Variants in KRT3 observed in about 807,000 individuals in gnomAD.
KRT3 encodes keratin 3, also known as keratin, type II cytoskeletal 3.
A neutral mutation model predicts 45.8 loss-of-function variants in KRT3; 34 were observed. The observed-to-expected ratio is 0.74, with a 90% confidence interval of 0.57 to 0.99. The LOEUF (loss-of-function observed/expected upper bound fraction) is 0.99. KRT3 is among the 50% of genes least tolerant of loss of function. The pLI is 0.00. For synonymous variants in KRT3, 367 were observed against 329.0 expected (o/e 1.12, Z -1.25); for missense variants, 828 against 820.6 (o/e 1.01, Z -0.11).
At chr12:52,794,787 C>T (rs983926563) in intron 1 of KRT3, among the ~76,000 whole-genome samples, 4 of 152,192 alleles carry the variant, frequency 2.6e-5, no homozygotes, top group African/African-American at 9.6e-5. Flanking sequence ...CATGACAACA[C>T]CTCTCTTGGG....
rs1193249230 is a variant in KRT3, at chr12:52,795,978, A to G, written c.65T>C (p.Val22Ala). The change falls in exon 1 of 9, where the codon GTG becomes GCG. Residue 22 changes from valine to alanine, a missense_variant. Transcript: ENST00000417996. ...GCTCATCCTGCTGCTGCCGGAGACC[A>G]CAGCAGAGCGGCCGGAGAAACCCTG... ...GSQGFSGRSA[V>A]VSGSSRMSCV... The G allele has an allele frequency of 3.7e-6, 6 of 1,614,010 alleles. No individual in the cohort carries two copies. Among genetic ancestry groups the G allele is most frequent in the South Asian group, 2.2e-5 (2 of 91,088 alleles).
intron 3 of KRT3, 36 bp downstream of exon 3, chr12:52,793,127 G>C (rs779928201): frequency 6.4e-7 from 1 of 1,571,814 alleles, no homozygotes; most frequent in Non-Finnish European, 8.7e-7. Flanking sequence ...GAAACCTGCA[G>C]CTGCAAGCCT....
rs779835862 is a variant in KRT3 at position 52,791,785 on chromosome 12, T to C, written c.1220A>G (p.His407Arg). The change falls in exon 6 of 9, where the codon CAT becomes CGT. Residue 407 changes from histidine (H) to arginine (R), a missense_variant. Transcript: ENST00000417996. ...LGELQTTAGRHGDDLRNTKSE... is the reference protein window; with the variant it reads ...LGELQTTAGRRGDDLRNTKSE... ...CTTGGTATTTCTTAGGTCATCCCCA[T>C]GCCTGCCAGCCGTGGTCTGCAGCTC... 2 of 1,614,100 alleles carry C rather than the reference T, an allele frequency of 1.2e-6. No homozygotes were observed. The highest frequency in any genetic ancestry group is 2.2e-5 in the South Asian group (2 of 91,076).
intron 7 of KRT3, 131 bp downstream of exon 7, chr12:52,791,075 A>T: frequency 6.9e-7 from 1 of 1,441,526 alleles, no homozygotes; most frequent in Non-Finnish European, 9.5e-7. Context: ...GTGGGCTGGT[A>T]GAGGCAAATG....
Position 52,790,261 on chromosome 12 carries a change from C to A in KRT3, c.1668G>T (p.Ala556=). Residue 556 remains alanine (A), a synonymous_variant, in exon 9 of 9, where the codon GCG becomes GCT. Coordinates refer to ENST00000417996, the MANE Select transcript of KRT3 (RefSeq NM_057088.3). ...MGGGLGGGFS[A]GGGSGSGFGR... is the part of the protein sequence containing the mutation. ...CAAAGCCACTGCCTGAGCCGCCGCC[C>A]GCACTGAAGCCACCTCCTAAACCAC... 2.6e-6 allele frequency: 4 copies of A among 1,551,414 alleles called. No individual in the cohort carries two copies. The highest frequency in any genetic ancestry group is 3.5e-6 in the Non-Finnish European group (4 of 1,147,100).
chr12:52,790,942 G>A (rs1254759511), intron 7 of KRT3, 70 bp from the exon 8 acceptor site: 4 of 1,435,382 alleles, frequency 2.8e-6, no homozygotes, highest in Admixed American at 3.9e-5. Context: ...CGGACCAAGG[G>A]CATGAATAGC....
Position 52,795,544 on chromosome 12 carries a change from G to A in KRT3, c.499C>T (p.Pro167Ser), listed in dbSNP as rs769129039. The A allele has an allele frequency of 1.6e-5, 26 of 1,613,652 alleles. No individual in the cohort carries two copies. In the Middle Eastern group the frequency reaches 6.6e-4, roughly 41 times the overall value. Reference sequence around the variant, plus strand: ...ATAGTCACTTCCTGAATTCCCCCAGGAAAGCCCCCAGGGCCAAAGCCACCA... The same window carrying A: ...ATAGTCACTTCCTGAATTCCCCCAGAAAAGCCCCCAGGGCCAAAGCCACCA... ...SPGGFGPGGF[P>S]GGIQEVTINQ... is the part of the protein sequence containing the mutation. The change falls in exon 1 of 9, where the codon CCT becomes TCT. Residue 167 changes from proline to serine, a missense_variant. Coordinates refer to ENST00000417996, the MANE Select transcript of KRT3 (RefSeq NM_057088.3).
chr12:52,793,948 G>A (rs1417344464), intron 2 of KRT3, among the ~76,000 whole-genome samples, 163 bp downstream of exon 2: 1 of 152,192 alleles, frequency 6.6e-6, no homozygotes, highest in Admixed American at 6.5e-5. Flanking sequence ...GGAGAAGGAA[G>A]GTGAGGGGGA....
At position 52,795,959 on chromosome 12, in the gene KRT3, C is replaced by T. The variant is rs1939638500; in HGVS notation, c.84G>A (p.Arg28=). ...GRSAVVSGSS[R]MSCVAHSGGA... ...CCCCAGAGTGGGCCACACAGCTCAT[C>T]CTGCTGCTGCCGGAGACCACAGCAG... The change falls in exon 1 of 9, where the codon AGG becomes AGA. Residue 28 remains arginine, a synonymous_variant. Coordinates refer to ENST00000417996, the MANE Select transcript of KRT3 (RefSeq NM_057088.3). The T allele has an allele frequency of 1.9e-6, 3 of 1,614,114 alleles. No individual in the cohort carries two copies. Among genetic ancestry groups the T allele is most frequent in the Non-Finnish European group, 1.7e-6 (2 of 1,180,010 alleles).
Position 52,790,835 on chromosome 12 carries a change from T to TA in KRT3, c.1570+2dup, listed in dbSNP as rs140653778. Reference sequence around the variant, plus strand: ...CATTTTCTTAGCTACTTTCGGTACTTACAGATGCTGACAGCACTCGGACAC... The same window carrying TA: ...CATTTTCTTAGCTACTTTCGGTACTTAACAGATGCTGACAGCACTCGGACAC... On this transcript the variant is annotated splice_region_variant and intron_variant, in intron 8 of 8. Transcript: ENST00000417996. The TA allele has an allele frequency of 0.074, 117,965 of 1,594,442 alleles. 4,912 individuals are homozygous for TA. The highest frequency in any genetic ancestry group is 0.13 in the Middle Eastern group (760 of 6,034).
chr12:52,794,024 C>G, intron 2 of KRT3, 87 bp downstream of exon 2: 1 of 1,022,410 alleles, frequency 9.8e-7, no homozygotes, highest in South Asian at 1.4e-5. Flanking sequence ...GACGCCACTG[C>G]CCAGCAGTCA....
At position 52,795,891 on chromosome 12, in the gene KRT3, C is replaced by T; in HGVS notation, c.152G>A (p.Gly51Asp). Residue 51 changes from glycine (G) to aspartate (D), a missense_variant, in exon 1 of 9, where the codon GGC becomes GAC. Coordinates refer to ENST00000417996, the MANE Select transcript of KRT3 (RefSeq NM_057088.3). ...GTTGTAGAGGCTGCGACTGCCAAAG[C>T]CACCTGCTCCGCTCCGGAAGCCATA... ...GAYGFRSGAG[G>D]FGSRSLYNLG... The T allele has an allele frequency of 6.2e-7, 1 of 1,614,052 alleles. No homozygotes were observed. The highest frequency in any genetic ancestry group is 8.5e-7 in the Non-Finnish European group (1 of 1,179,902).
At chr12:52,791,560 T>TG in intron 6 of KRT3, 131 bp downstream of exon 6, 1 of 1,438,930 alleles carries the variant, frequency 6.9e-7, no homozygotes, top group Non-Finnish European at 9.6e-7. Flanking sequence ...TCTCCATTTG[T>TG]GGAGATACTG....
intron 1 of KRT3, among the ~76,000 whole-genome samples, chr12:52,794,874 G>A (rs946985995): frequency 3.3e-5 from 5 of 152,192 alleles, no homozygotes; most frequent in Admixed American, 6.5e-5. Flanking sequence ...TCCTGACTAG[G>A]CTGAGTAGGA....
rs1192932424 is a variant in KRT3, at chr12:52,789,952, G to A, written c.*90C>T. ...CAGCGCAGAGCCGCGTTCTTGGGGA[G>A]CATGGGGTGGCGCTGGGGGTGTTGC... On this transcript the variant is annotated 3_prime_UTR_variant, in exon 9 of 9. Coordinates refer to ENST00000417996, the MANE Select transcript of KRT3 (RefSeq NM_057088.3). 1.5e-6 allele frequency: 2 copies of A among 1,317,290 alleles called. No homozygotes were observed. The highest frequency in any genetic ancestry group is 2.1e-6 in the Non-Finnish European group (2 of 947,286). The allele number at this position is 1,317,290 out of a possible 1,614,324, so 81.6% of individuals were successfully genotyped here. A position where few individuals can be genotyped will look rare whatever the true frequency, so the allele number is the denominator to read the frequency against.
chr12:52,792,810 A>C lies in KRT3; in HGVS notation c.928-4T>G, dbSNP rs1365076262. The C allele has an allele frequency of 6.3e-7, 1 of 1,594,458 alleles. No homozygotes were observed. Among genetic ancestry groups the C allele is most frequent in the Non-Finnish European group, 8.6e-7 (1 of 1,163,760 alleles). ...TCATATAGGCACTGTCCACATCCTG[A>C]GAAAAGAGGAAGATAAAGGCCTTAT... On this transcript the variant is annotated splice_region_variant and splice_polypyrimidine_tract_variant and intron_variant, in intron 3 of 8. Coordinates refer to ENST00000417996, the MANE Select transcript of KRT3 (RefSeq NM_057088.3).
At chr12:52,795,251 C>T in intron 1 of KRT3, 147 bp downstream of exon 1, 1 of 995,426 alleles carries the variant, frequency 1.0e-6, no homozygotes. Context: ...AACTCCTCAA[C>T]CCTGGATATC....
rs1047519998 is a variant in KRT3, at chr12:52,791,698, T to C, written c.1307A>G (p.Lys436Arg). The C allele has an allele frequency of 1.9e-6, 3 of 1,614,150 alleles. No individual in the cohort carries two copies. Among genetic ancestry groups the C allele is most frequent in the African/African-American group, 2.7e-5 (2 of 75,046 alleles). Residue 436 changes from lysine (K) to arginine (R), a missense_variant, in exon 6 of 9, where the codon AAG (lysine) becomes AGG (arginine). Transcript: ENST00000417996. ...QRLRAEIEGV[K>R]KQNANLQTAI... ...CATCCATGACCATCCCACCTGCTTCTTGACACCCTCGATCTCTGCCCGCAG... is the reference window on the plus strand; with the variant it reads ...CATCCATGACCATCCCACCTGCTTCCTGACACCCTCGATCTCTGCCCGCAG...
In KRT3 at chr12:52,791,743, A is replaced by C; in HGVS notation, c.1262T>G (p.Leu421Arg). 2 of 1,613,868 alleles carry C rather than the reference A, an allele frequency of 1.2e-6. No homozygotes were observed. Among genetic ancestry groups the C allele is most frequent in the South Asian group, 2.2e-5 (2 of 91,074 alleles). The change falls in exon 6 of 9, where the codon CTC becomes CGC. Residue 421 changes from leucine to arginine, a missense_variant. By Grantham distance (102) the Leu-to-Arg change is moderately radical. Coordinates refer to ENST00000417996, the MANE Select transcript of KRT3 (RefSeq NM_057088.3). Reference protein sequence around the residue: ...LRNTKSEIIELNRMIQRLRAE... With the variant: ...LRNTKSEIIERNRMIQRLRAE... ...CCGCAGCCTCTGGATCATTCTGTTG[A>C]GCTCTATGATCTCGCTCTTGGTATT...
Sources: gnomAD v4.1 joint callset for allele counts (sites outside exome capture counted in the v4.1 genomes callset) on GRCh38, gnomAD v4.1.1 for gene constraint, MANE v1.5 for transcripts, NCBI Gene and HGNC (gene_info 2026-07-23, HGNC 2026-07-21) for gene names.